Variants in DRC9 observed in about 807,000 individuals in gnomAD.
The protein encoded by DRC9 is dynein regulatory complex protein 9.
chr3:197,951,385 G>A, the DRC9 span: 4 of 1,511,158 alleles, frequency 2.6e-6, no homozygotes, highest in Non-Finnish European at 3.7e-6. Flanking sequence ...ACGGAGTCTT[G>A]CTCTGTTGCC....
At chr3:197,891,624 A>C in the DRC9 span, 64 of 693,448 alleles carry the variant, frequency 9.2e-5, 1 homozygote, top group South Asian at 1.4e-3. Flanking sequence ...TGCACTTTTA[A>C]TATAAAATTT....
At chr3:197,944,017 C>T in the DRC9 span, 6 of 1,614,068 alleles carry the variant, frequency 3.7e-6, no homozygotes, top group Non-Finnish European at 5.1e-6. Flanking sequence ...GAATGCCAAA[C>T]TTTTGGAGGA....
chr3:197,907,501 C>T, the DRC9 span, among the ~76,000 whole-genome samples: 1 of 152,224 alleles, frequency 6.6e-6, no homozygotes, highest in Non-Finnish European at 1.5e-5. Flanking sequence ...ATAGCCTACC[C>T]TGTTGGATCT....
the DRC9 span, among the ~76,000 whole-genome samples, chr3:197,948,555 T>G: frequency 6.6e-6 from 1 of 152,212 alleles, no homozygotes; most frequent in Admixed American, 6.5e-5. Flanking sequence ...CGAATGAAAC[T>G]CACACTTAAT....
At chr3:197,950,880 C>T in the DRC9 span, 9 of 1,548,666 alleles carry the variant, frequency 5.8e-6, no homozygotes, top group Admixed American at 1.2e-4. Flanking sequence ...CGAGAGGGGA[C>T]GAGGTGGGAA....
chr3:197,932,101 T>G, the DRC9 span: 1 of 1,508,160 alleles, frequency 6.6e-7, no homozygotes, highest in Non-Finnish European at 9.0e-7. Context: ...GCTTTAAAAT[T>G]CAAGGATTTC....
chr3:197,954,350 G>T, the DRC9 span: 1 of 618,388 alleles, frequency 1.6e-6, no homozygotes, highest in African/African-American at 1.8e-5. Flanking sequence ...TTTTTTTGGG[G>T]GGAGACAGGG....
At chr3:197,938,670 T>C in the DRC9 span, 2 of 1,614,194 alleles carry the variant, frequency 1.2e-6, no homozygotes, top group Non-Finnish European at 1.7e-6. Context: ...GTCTGATTTC[T>C]GGCAAGTTGG....
chr3:197,926,212 A>G, the DRC9 span: 3 of 666,106 alleles, frequency 4.5e-6, no homozygotes, highest in Non-Finnish European at 8.2e-6. Context: ...CTCTTCCCCC[A>G]GAGAATCTGA....
chr3:197,897,094 T>A, the DRC9 span, among the ~76,000 whole-genome samples: 1 of 151,980 alleles, frequency 6.6e-6, no homozygotes, highest in Non-Finnish European at 1.5e-5. Flanking sequence ...AAAAAGTTAA[T>A]GAAAAATATT....
chr3:197,890,623 A>G, the DRC9 span, among the ~76,000 whole-genome samples: 2 of 152,206 alleles, frequency 1.3e-5, no homozygotes, highest in Admixed American at 6.5e-5. Context: ...ACTGGAAGCA[A>G]ATCCACTAGT....
At chr3:197,896,483 A>T in the DRC9 span, among the ~76,000 whole-genome samples, 10 of 152,254 alleles carry the variant, frequency 6.6e-5, no homozygotes, top group Admixed American at 5.2e-4. Flanking sequence ...AAAATAAAGT[A>T]TATAAATTAA....
the DRC9 span, chr3:197,912,690 A>G: frequency 6.2e-7 from 1 of 1,613,598 alleles, no homozygotes. Flanking sequence ...GCTCCTTTCT[A>G]AGGAACATTT....
the DRC9 span, among the ~76,000 whole-genome samples, chr3:197,901,358 A>G: frequency 6.6e-6 from 1 of 152,178 alleles, no homozygotes; most frequent in Non-Finnish European, 1.5e-5. This position sits in a 1 kb window ranked among gnomAD's most constrained non-coding sequence, Gnocchi z 4.4. Context: ...GGTTGGTCTC[A>G]AACTCACGAC....
At chr3:197,956,716 A>G in the DRC9 span, 1 of 150,472 alleles carries the variant, frequency 6.6e-6, no homozygotes, top group Non-Finnish European at 1.5e-5. Flanking sequence ...CTCAACCTCA[A>G]CCTCCTCGGC....
the DRC9 span, among the ~76,000 whole-genome samples, chr3:197,939,387 C>G: frequency 1.3e-5 from 2 of 152,102 alleles, no homozygotes; most frequent in Non-Finnish European, 2.9e-5. Flanking sequence ...GAGGGAAAAG[C>G]CAAAATAATT....
chr3:197,953,605 A>G, the DRC9 span: 1 of 458,464 alleles, frequency 2.2e-6, no homozygotes, highest in South Asian at 1.5e-5. Flanking sequence ...CTCCCTTTCC[A>G]GTCTTTGTTC....
the DRC9 span, among the ~76,000 whole-genome samples, chr3:197,933,317 T>C: frequency 2.0e-5 from 3 of 151,730 alleles, no homozygotes; most frequent in Non-Finnish European, 4.4e-5. Context: ...GGTGCCCACC[T>C]GTAATCCCAG....
At chr3:197,897,348 T>C in the DRC9 span, among the ~76,000 whole-genome samples, 21 of 152,300 alleles carry the variant, frequency 1.4e-4, 1 homozygote, top group Admixed American at 1.4e-3. Flanking sequence ...AGACAAGGGA[T>C]ATTTTATACT....
Sources: allele counts gnomAD v4.1 joint callset (sites outside exome capture counted in the v4.1 genomes callset), GRCh38; gene constraint gnomAD v4.1.1; non-coding constraint Gnocchi (gnomAD v3.1); transcripts MANE v1.5; gene names NCBI Gene and HGNC (gene_info 2026-07-23, HGNC 2026-07-21).